Variants in BRCA2 observed in about 807,000 individuals in gnomAD.
BRCA2 encodes the protein BRCA2 DNA repair associated.
Under a neutral mutation model 276.7 loss-of-function variants are expected in BRCA2, and 203 were observed. The observed-to-expected ratio is 0.73, with a 90% CI of 0.65 to 0.82. The LOEUF (loss-of-function observed/expected upper bound fraction) is 0.82. Ranked by LOEUF, BRCA2 falls within the 40% of genes least tolerant of loss-of-function variation. The pLI is 0.00. For missense variants in BRCA2, 3,920 were observed against 3,915.0 expected (o/e 1.00, Z -0.03); for synonymous variants, 1,289 against 1,338.4 (o/e 0.96, Z 0.81).
At chr13:32,391,692 G>C (rs1042418009) in intron 24 of BRCA2, among the ~76,000 whole-genome samples, 5 of 152,252 alleles carry the variant, frequency 3.3e-5, no homozygotes, top group African/African-American at 7.2e-5. Context: ...TGCAAGTTCA[G>C]AGTAGGCCAG....
chr13:32,364,267 C>T (rs541441320), intron 18 of BRCA2, among the ~76,000 whole-genome samples: 2 of 151,920 alleles, frequency 1.3e-5, no homozygotes, highest in African/African-American at 4.8e-5. Flanking sequence ...AATGCATGTG[C>T]ATAATTTGGA....
rs147921909 is a variant in BRCA2, at chr13:32,322,477, G to A, written c.317-2599G>A. 3.2e-4 allele frequency among the ~76,000 whole-genome samples: 48 copies of A among 152,326 alleles called. No individual in the cohort carries two copies. In the East Asian group the frequency reaches 7.7e-3, roughly 24 times the overall value. On this transcript the variant is annotated intron_variant, in intron 3 of 26. Coordinates refer to ENST00000380152, the MANE Select transcript of BRCA2 (RefSeq NM_000059.4). Reference sequence around the variant, plus strand: ...CTTAGGGGAAATAAAGGGCTGGGCCGAAGTAAAGGGATGGGTCTGGCTAGT... The same window carrying A: ...CTTAGGGGAAATAAAGGGCTGGGCCAAAGTAAAGGGATGGGTCTGGCTAGT...
intron 7 of BRCA2, among the ~76,000 whole-genome samples, chr13:32,329,240 G>A (rs555726656): frequency 3.3e-5 from 5 of 152,240 alleles, no homozygotes; most frequent in African/African-American, 1.2e-4. Flanking sequence ...ACCACCTTGT[G>A]AGTAGTACTA....
chr13:32,363,402 C>T lies in BRCA2; in HGVS notation c.8200C>T (p.Pro2734Ser), dbSNP rs2137581694. The T allele has an allele frequency of 6.2e-7, 1 of 1,614,034 alleles. No homozygotes were observed. Among genetic ancestry groups the T allele is most frequent in the African/African-American group, 1.3e-5 (1 of 75,002 alleles). ...GWYAVKAQLD[P>S]PLLAVLKNGR... ...GTATGCTGTTAAGGCCCAGTTAGATCCTCCCCTCTTAGCTGTCTTAAAGAA... is the reference window on the plus strand; with the variant it reads ...GTATGCTGTTAAGGCCCAGTTAGATTCTCCCCTCTTAGCTGTCTTAAAGAA... The change falls in exon 18 of 27, where the codon CCT (proline) becomes TCT (serine). Residue 2734 changes from proline (P) to serine (S), a missense_variant. Physicochemically the swap from Pro to Ser is moderately conservative, Grantham distance 74. Transcript: ENST00000380152.
At chr13:32,383,806 G>C (rs1238507941) in intron 24 of BRCA2, among the ~76,000 whole-genome samples, 3 of 152,100 alleles carry the variant, frequency 2.0e-5, no homozygotes, top group African/African-American at 4.8e-5. Context: ...ATCAAAGGTA[G>C]GTGGTTGAAG....
At chr13:32,358,365 A>G (rs1183278963) in intron 16 of BRCA2, among the ~76,000 whole-genome samples, 2 of 151,164 alleles carry the variant, frequency 1.3e-5, no homozygotes, top group East Asian at 2.0e-4. Flanking sequence ...AATCCCGGCT[A>G]CTCTGGAGGC....
chr13:32,340,123 A>C lies in BRCA2; in HGVS notation c.5768A>C (p.Asp1923Ala), dbSNP rs45491005. ...ACGCATTCACATAAGGTTTTTGCTGACATTCAGAGTGAAGAAATTTTACAA... is the reference window on the plus strand; with the variant it reads ...ACGCATTCACATAAGGTTTTTGCTGCCATTCAGAGTGAAGAAATTTTACAA... The part of the protein sequence containing the change: ...CSTHSHKVFA[D>A]IQSEEILQHN... The change falls in exon 11 of 27, where the codon GAC becomes GCC. Residue 1923 changes from aspartate to alanine, a missense_variant. By Grantham distance (126) the Asp-to-Ala change is moderately radical (BLOSUM62 -2). Transcript: ENST00000380152. The C allele has an allele frequency of 1.6e-4, 257 of 1,613,272 alleles. No individual in the cohort carries two copies. In the African/African-American group the frequency reaches 3.3e-3, roughly 21 times the overall value.
At chr13:32,377,001 A>G (rs1440619167) in intron 21 of BRCA2, among the ~76,000 whole-genome samples, 1 of 152,188 alleles carries the variant, frequency 6.6e-6, no homozygotes, top group Non-Finnish European at 1.5e-5. Flanking sequence ...GGAGGGTTCT[A>G]GAATTTTATA....
At chr13:32,352,370 C>G (rs2072659058) in intron 13 of BRCA2, among the ~76,000 whole-genome samples, 1 of 152,076 alleles carries the variant, frequency 6.6e-6, no homozygotes, top group Non-Finnish European at 1.5e-5. Context: ...CCTGCTCAAA[C>G]TACCTAATAT....
chr13:32,332,507 A>G lies in BRCA2; in HGVS notation c.1029A>G (p.Lys343=). The change falls in exon 10 of 27, where the codon AAA becomes AAG. Residue 343 remains lysine, a synonymous_variant. Coordinates refer to ENST00000380152, the MANE Select transcript of BRCA2 (RefSeq NM_000059.4). ...AAGCAAACGCTGATGAATGTGAAAAATCTAAAAACCAAGTGAAAGAAAAAT... is the reference window on the plus strand; with the variant it reads ...AAGCAAACGCTGATGAATGTGAAAAGTCTAAAAACCAAGTGAAAGAAAAAT... ...FHEANADECE[K]SKNQVKEKYS... The G allele has an allele frequency of 1.2e-6, 2 of 1,611,674 alleles. No homozygotes were observed. Among genetic ancestry groups the G allele is most frequent in the Non-Finnish European group, 1.7e-6 (2 of 1,179,412 alleles).
intron 12 of BRCA2, 93 bp from the exon 13 acceptor site, chr13:32,346,734 C>G: frequency 1.0e-6 from 1 of 954,156 alleles, no homozygotes; most frequent in Non-Finnish European, 1.6e-6. Context: ...ATTGTAAAGC[C>G]TATAATTGTC....
intron 1 of BRCA2, 29 bp downstream of exon 1, chr13:32,315,696 G>T (rs1415869349): frequency 6.5e-6 from 1 of 152,784 alleles, no homozygotes; most frequent in Non-Finnish European, 1.5e-5. Flanking sequence ...GGGTTGGGAC[G>T]AGCGCGTCTT....
At chr13:32,323,780 A>C (rs974970025) in intron 3 of BRCA2, among the ~76,000 whole-genome samples, 3 of 152,236 alleles carry the variant, frequency 2.0e-5, no homozygotes, top group African/African-American at 7.2e-5. Context: ...GAGTAATAAT[A>C]AGTGACTCAG....
intron 11 of BRCA2, among the ~76,000 whole-genome samples, chr13:32,343,353 A>G (rs2072587167): frequency 2.0e-5 from 3 of 152,282 alleles, no homozygotes; most frequent in South Asian, 2.1e-4. Flanking sequence ...TAAAAAACCT[A>G]TAAACTCATA....
intron 10 of BRCA2, among the ~76,000 whole-genome samples, chr13:32,335,743 AC>A (rs2072442983): frequency 1.3e-5 from 2 of 152,192 alleles, no homozygotes; most frequent in African/African-American, 2.4e-5. Context: ...TATTAAAAAA[AC>A]AACTTAGGTC....
intron 8 of BRCA2, 135 bp downstream of exon 8, chr13:32,329,627 G>C (rs1264823343): frequency 4.2e-6 from 3 of 718,088 alleles, no homozygotes; most frequent in East Asian, 5.6e-5. Context: ...TCTAAACCTG[G>C]TCCTATATGT....
intron 3 of BRCA2, among the ~76,000 whole-genome samples, chr13:32,322,857 A>G (rs1017201812): frequency 3.9e-5 from 6 of 152,244 alleles, no homozygotes; most frequent in African/African-American, 1.4e-4. Context: ...AATTTTGGCA[A>G]TTATGAATAA....
At chr13:32,382,143 G>A (rs577699295) in intron 24 of BRCA2, among the ~76,000 whole-genome samples, 4 of 152,202 alleles carry the variant, frequency 2.6e-5, no homozygotes, top group East Asian at 3.9e-4. Context: ...TAGTAGAGAC[G>A]GGGTTTCACC....
Position 32,354,849 on chromosome 13 carries a change from T to C in BRCA2, c.7008-12T>C, listed in dbSNP as rs1341749042. 2.0e-6 allele frequency: 3 copies of C among 1,502,678 alleles called. No individual in the cohort carries two copies. The South Asian group carries it at 3.4e-5, about 17-fold the overall frequency. 93.1% of individuals were successfully genotyped at this position (1,502,678 alleles called of 1,614,324 possible). A position where few individuals can be genotyped will look rare whatever the true frequency, so the allele number is the denominator to read the frequency against. ...CTAGTCAATAAACTTATATATTTTCTCCCCATTGCAGCACAACTAAGGAAC... is the reference window on the plus strand; with the variant it reads ...CTAGTCAATAAACTTATATATTTTCCCCCCATTGCAGCACAACTAAGGAAC... On this transcript the variant is annotated splice_polypyrimidine_tract_variant and intron_variant, in intron 13 of 26. Coordinates refer to ENST00000380152, the MANE Select transcript of BRCA2 (RefSeq NM_000059.4).
Sources: gnomAD v4.1 joint callset for allele counts (sites outside exome capture counted in the v4.1 genomes callset) on GRCh38, gnomAD v4.1.1 for gene constraint, MANE v1.5 for transcripts, NCBI Gene and HGNC (gene_info 2026-07-23, HGNC 2026-07-21) for gene names.